The following SPDYA variants were observed in gnomAD, a reference collection of about 807,000 sequenced individuals.
SPDYA encodes the protein speedy/RINGO cell cycle regulator family member A, also known as speedy protein A.
SPDYA carries 11 observed loss-of-function variants against 36.7 expected under a neutral mutation model. The ratio of observed to expected loss-of-function variants is 0.30; its 90% CI spans 0.19 to 0.50. The LOEUF is 0.50. Ranked by LOEUF, SPDYA falls within the 20% of genes least tolerant of loss-of-function variation. The pLI is 0.98. For missense variants in SPDYA, 287 were observed against 370.9 expected (o/e 0.77, Z 1.86); for synonymous variants, 115 against 118.7 (o/e 0.97, Z 0.20).
chr2:28,829,215 G>T lies in SPDYA; in HGVS notation c.448G>T (p.Gly150Trp). Residue 150 changes from glycine to tryptophan, a missense_variant, in exon 6 of 8, where the codon GGG (glycine) becomes TGG (tryptophan). By Grantham distance (184) the Gly-to-Trp change is radical. Transcript: ENST00000334056. ...GTACGAAATTTTTCCATGGGCTTTAGGGAAAAACTGGAGAAAATTGTTCCC... is the reference window on the plus strand; with the variant it reads ...GTACGAAATTTTTCCATGGGCTTTATGGAAAAACTGGAGAAAATTGTTCCC... ...TKYEIFPWAL[G>W]KNWRKLFPNF... The T allele has an allele frequency of 6.2e-7, 1 of 1,613,954 alleles. No individual in the cohort carries two copies.
intron 4 of SPDYA, among the ~76,000 whole-genome samples, chr2:28,820,578 T>C (rs1668132689): frequency 1.3e-5 from 2 of 152,166 alleles, no homozygotes. Flanking sequence ...AGATCGAGAC[T>C]CTGTCTCAAA....
intron 7 of SPDYA, among the ~76,000 whole-genome samples, chr2:28,849,568 G>C (rs750908253): frequency 1.3e-5 from 2 of 152,196 alleles, no homozygotes; most frequent in Non-Finnish European, 2.9e-5. Flanking sequence ...GTGAGCCACT[G>C]TGCCCAGCCC....
At chr2:28,818,074 G>A (rs1668033183) in intron 3 of SPDYA, among the ~76,000 whole-genome samples, 1 of 144,080 alleles carries the variant, frequency 6.9e-6, no homozygotes, top group African/African-American at 2.6e-5. Context: ...GGCTGAGGTG[G>A]GAGGATCTCA....
At chr2:28,839,552 A>G in intron 6 of SPDYA, among the ~76,000 whole-genome samples, 1 of 152,104 alleles carries the variant, frequency 6.6e-6, no homozygotes, top group Non-Finnish European at 1.5e-5. Context: ...CCCAGGCTGG[A>G]GTGCAGTGAC....
At chr2:28,827,976 A>C (rs1050220899) in intron 5 of SPDYA, among the ~76,000 whole-genome samples, 2 of 149,792 alleles carry the variant, frequency 1.3e-5, no homozygotes, top group African/African-American at 4.9e-5. Context: ...ATTTTTTCTT[A>C]TTTTTTTCTT....
intron 6 of SPDYA, among the ~76,000 whole-genome samples, chr2:28,837,327 T>G (rs1355099953): frequency 6.6e-6 from 1 of 152,110 alleles, no homozygotes; most frequent in Non-Finnish European, 1.5e-5. Context: ...AAGTTTCAAA[T>G]ATATATAACA....
intron 5 of SPDYA, among the ~76,000 whole-genome samples, chr2:28,823,741 ATAT>A (rs1345187679): frequency 5.5e-5 from 3 of 54,118 alleles, no homozygotes; most frequent in South Asian, 7.7e-4. Context: ...ATATATATAT[ATAT>A]AAAATTTTTT....
In SPDYA at chr2:28,849,872, TAAAG is replaced by T. The variant is rs747987798; in HGVS notation, c.874_877del (p.Lys292GlufsTer7). On this transcript the variant is annotated frameshift_variant, in exon 8 of 8. Coordinates refer to ENST00000334056, the MANE Select transcript of SPDYA (RefSeq NM_182756.4). LOFTEE classifies it high-confidence loss of function. ...CAGTAGTCAATGACCATCAATCAAA[TAAAG>T]GAAAGAAAACTAATTTCTTGAAGAA... The T allele has an allele frequency of 1.3e-6, 2 of 1,579,816 alleles. No individual in the cohort carries two copies. Among genetic ancestry groups the T allele is most frequent in the Non-Finnish European group, 8.6e-7 (1 of 1,165,302 alleles).
intron 4 of SPDYA, among the ~76,000 whole-genome samples, chr2:28,821,302 C>T (rs1182159312): frequency 6.8e-6 from 1 of 146,100 alleles, no homozygotes; most frequent in Non-Finnish European, 1.5e-5. Context: ...CGGGTTCAAG[C>T]AATTCTCCTG....
chr2:28,841,954 A>C (rs548572903), intron 7 of SPDYA: 7 of 152,318 alleles, frequency 4.6e-5, no homozygotes, highest in African/African-American at 1.7e-4. Context: ...GAATGTTTAC[A>C]ATGTCCAAGG....
intron 5 of SPDYA, among the ~76,000 whole-genome samples, chr2:28,825,046 A>G (rs1264571453): frequency 2.0e-5 from 3 of 152,172 alleles, no homozygotes; most frequent in Non-Finnish European, 4.4e-5. Flanking sequence ...TATTATCCCC[A>G]TTTTACAGAT....
chr2:28,838,263 C>A (rs181195136), intron 6 of SPDYA, among the ~76,000 whole-genome samples: 1 of 150,330 alleles, frequency 6.7e-6, no homozygotes, highest in East Asian at 2.0e-4. Context: ...CTCACTGCAA[C>A]CTCCACCTCC....
intron 5 of SPDYA, 25 bp downstream of exon 5, chr2:28,822,435 T>C: frequency 3.1e-6 from 4 of 1,281,508 alleles, no homozygotes; most frequent in Non-Finnish European, 4.4e-6. Context: ...TACTAAGTGA[T>C]TGTTGTGTTA....
intron 6 of SPDYA, among the ~76,000 whole-genome samples, chr2:28,838,308 A>G (rs1251573862): frequency 6.6e-6 from 1 of 151,664 alleles, no homozygotes; most frequent in African/African-American, 2.4e-5. Context: ...TAGCCTCCCA[A>G]GTAGCTGGGA....
intron 7 of SPDYA, chr2:28,842,150 A>T (rs1164023536): frequency 1.3e-5 from 2 of 152,170 alleles, no homozygotes; most frequent in Non-Finnish European, 2.9e-5. Context: ...TGAATTCCTA[A>T]ATATTATGGT....
chr2:28,842,797 G>A (rs1308184060), intron 7 of SPDYA, among the ~76,000 whole-genome samples: 2 of 152,250 alleles, frequency 1.3e-5, no homozygotes, highest in East Asian at 3.9e-4. Context: ...TTAATGGAGA[G>A]TGAGCTCACT....
chr2:28,820,199 A>T (rs901792858), intron 4 of SPDYA, among the ~76,000 whole-genome samples: 4 of 152,128 alleles, frequency 2.6e-5, no homozygotes, highest in South Asian at 4.1e-4. Flanking sequence ...GGGTAAAATT[A>T]GTTTAACATG....
intron 7 of SPDYA, chr2:28,840,707 A>C: frequency 8.2e-7 from 1 of 1,213,976 alleles, no homozygotes; most frequent in Non-Finnish European, 1.0e-6. Flanking sequence ...AATGCACCAT[A>C]AGCCTCAGTA....
chr2:28,830,950 G>A (rs1302732966), intron 6 of SPDYA, among the ~76,000 whole-genome samples: 1 of 152,150 alleles, frequency 6.6e-6, no homozygotes. Flanking sequence ...TTTGATAAAT[G>A]TTGATATACT....
Sources: allele counts gnomAD v4.1 joint callset (sites outside exome capture counted in the v4.1 genomes callset), GRCh38; gene constraint gnomAD v4.1.1; transcripts MANE v1.5; gene names NCBI Gene and HGNC (gene_info 2026-07-23, HGNC 2026-07-21).